VPS54: variants seen among roughly 807,000 people sequenced by gnomAD.
VPS54 encodes the protein VPS54 subunit of GARP complex, also known as vacuolar protein sorting-associated protein 54.
In VPS54, 45 loss-of-function variants were observed where a neutral mutation model predicts 121.5. The observed-to-expected ratio is 0.37, with a 90% CI of 0.29 to 0.47. The LOEUF is 0.47. VPS54 is among the 20% of genes least tolerant of loss of function. The pLI, the probability that VPS54 is intolerant of heterozygous loss-of-function variation, is 0.99. For missense variants in VPS54, 1,090 were observed against 1,131.4 expected, an observed-to-expected ratio of 0.96 and a Z score of 0.52; for synonymous variants, 371 against 385.8, an observed-to-expected ratio of 0.96 and a Z score of 0.45.
chr2:63,974,073 A>C (rs1452025780), intron 3 of VPS54, among the ~76,000 whole-genome samples: 1 of 152,180 alleles, frequency 6.6e-6, no homozygotes, highest in African/African-American at 2.4e-5. Context: ...TAGAAGTTTT[A>C]TAGTTTTGCA....
Position 63,899,588 on chromosome 2 carries a change from G to A in VPS54, c.2626-7C>T, listed in dbSNP as rs193225211. On this transcript the variant is annotated splice_region_variant and splice_polypyrimidine_tract_variant and intron_variant, in intron 20 of 22. Transcript: ENST00000272322. ...CAGGAGCCTTCACTTCATACTGGTA[G>A]GAAAAAATAATGAGAATTATGTTCA... The A allele has an allele frequency of 2.0e-4, 322 of 1,606,926 alleles. No individual in the cohort carries two copies. The African/African-American group carries it at 4.1e-3, about 20-fold the overall frequency.
intron 1 of VPS54, among the ~76,000 whole-genome samples, chr2:64,005,781 A>T (rs2104689080): frequency 6.6e-6 from 1 of 152,334 alleles, no homozygotes; most frequent in East Asian, 1.9e-4. Flanking sequence ...GTTAGGGAAT[A>T]AGTTAAAATA....
intron 20 of VPS54, among the ~76,000 whole-genome samples, chr2:63,906,042 A>G (rs1170726964): frequency 6.6e-6 from 1 of 152,174 alleles, no homozygotes; most frequent in Non-Finnish European, 1.5e-5. Flanking sequence ...TTAACCTGAT[A>G]AAGGCCTCTT....
At chr2:63,990,897 G>A (rs1452752204) in intron 1 of VPS54, among the ~76,000 whole-genome samples, 1 of 152,144 alleles carries the variant, frequency 6.6e-6, no homozygotes, top group African/African-American at 2.4e-5. Flanking sequence ...TATGTTAAAT[G>A]GTATTACAAA....
intron 11 of VPS54, among the ~76,000 whole-genome samples, chr2:63,937,817 A>C (rs1467811274): frequency 6.6e-6 from 1 of 152,224 alleles, no homozygotes; most frequent in East Asian, 1.9e-4. Context: ...CATATTACTC[A>C]GCCTTAAAAA....
chr2:63,979,270 C>T (rs1259632068), intron 3 of VPS54, among the ~76,000 whole-genome samples: 2 of 144,952 alleles, frequency 1.4e-5, no homozygotes, highest in Admixed American at 7.0e-5. Flanking sequence ...GACGGAGTCT[C>T]GCTCTGTCAC....
intron 6 of VPS54, among the ~76,000 whole-genome samples, chr2:63,964,766 T>C (rs934520749): frequency 6.6e-6 from 1 of 152,212 alleles, no homozygotes; most frequent in African/African-American, 2.4e-5. Flanking sequence ...AACCTGATAT[T>C]ATTGATGTCT....
At position 63,916,473 on chromosome 2, in the gene VPS54, C is replaced by T. The variant is rs192355866; in HGVS notation, c.2228+427G>A. Among the ~76,000 whole-genome samples, 10 of 152,180 alleles carry T rather than the reference C, an allele frequency of 6.6e-5. No homozygotes were observed. In the East Asian group the frequency reaches 1.2e-3, roughly 18 times the overall value. On this transcript the variant is annotated intron_variant, in intron 16 of 22. Coordinates refer to ENST00000272322, the MANE Select transcript of VPS54 (RefSeq NM_016516.3). ...TGCTTTACATGAATTACTTAATTTTCGCAATAATTCTGTGTATAGTACTAT... is the reference window on the plus strand; with the variant it reads ...TGCTTTACATGAATTACTTAATTTTTGCAATAATTCTGTGTATAGTACTAT...
At chr2:64,007,750 G>A (rs562920845) in intron 1 of VPS54, among the ~76,000 whole-genome samples, 1 of 152,254 alleles carries the variant, frequency 6.6e-6, no homozygotes, top group East Asian at 1.9e-4. Context: ...AGAAGGGGTA[G>A]GGCAAATATG....
At position 63,975,112 on chromosome 2, in the gene VPS54, C is replaced by T. The variant is rs1676464332; in HGVS notation, c.379-2868G>A. ...CCAATCTGTAGTGCAGTGGCGTGAT[C>T]TTGGTTCACTGCAACCTCCACCTCC... On this transcript the variant is annotated intron_variant, in intron 3 of 22. Transcript: ENST00000272322. 4.5e-6 allele frequency: 6 copies of T among 1,330,546 alleles called. No individual in the cohort carries two copies. In the Admixed American group the frequency reaches 1.3e-4, roughly 29 times the overall value. 82.4% of individuals were successfully genotyped at this position (1,330,546 alleles called of 1,614,324 possible). A position where few individuals can be genotyped will look rare whatever the true frequency, so the allele number is the denominator to read the frequency against.
chr2:63,915,113 G>A (rs931903720), intron 16 of VPS54, among the ~76,000 whole-genome samples: 2 of 139,360 alleles, frequency 1.4e-5, no homozygotes, highest in Non-Finnish European at 1.5e-5. Context: ...ATCATGCCAT[G>A]GCACTCCAGC....
At chr2:64,018,811 T>C (rs1416018524) in intron 1 of VPS54, 127 bp downstream of exon 1, 2 of 145,674 alleles carry the variant, frequency 1.4e-5, no homozygotes, top group Non-Finnish European at 3.0e-5. Context: ...CGGTCAGCTG[T>C]GACCGAAACT....
intron 19 of VPS54, 49 bp downstream of exon 19, chr2:63,912,491 T>G (rs1209115727): frequency 6.2e-7 from 1 of 1,609,312 alleles, no homozygotes; most frequent in South Asian, 1.1e-5. Flanking sequence ...ACTTAACAAT[T>G]AAGGATCTAA....
chr2:64,006,713 G>A (rs1376397078), intron 1 of VPS54, among the ~76,000 whole-genome samples: 1 of 152,108 alleles, frequency 6.6e-6, no homozygotes, highest in Non-Finnish European at 1.5e-5. Context: ...CCGCCTCCCA[G>A]TTTCAAGCCA....
intron 7 of VPS54, among the ~76,000 whole-genome samples, chr2:63,951,114 T>C (rs1392425721): frequency 6.6e-6 from 1 of 152,140 alleles, no homozygotes; most frequent in Non-Finnish European, 1.5e-5. Flanking sequence ...GCATAAAATC[T>C]GCATTTTCAA....
chr2:63,916,437 C>A (rs1299065732), intron 16 of VPS54, among the ~76,000 whole-genome samples: 1 of 152,112 alleles, frequency 6.6e-6, no homozygotes, highest in East Asian at 1.9e-4. Flanking sequence ...AGGTGCTAGA[C>A]CTGTGCTAAA....
chr2:64,013,594 CAAT>C, intron 1 of VPS54, among the ~76,000 whole-genome samples: 1 of 141,986 alleles, frequency 7.0e-6, no homozygotes, highest in African/African-American at 2.6e-5. Context: ...AAATATATAT[CAAT>C]ATATATCATA....
intron 17 of VPS54, 176 bp downstream of exon 17, chr2:63,914,006 A>C: frequency 8.7e-7 from 1 of 1,149,298 alleles, no homozygotes; most frequent in Non-Finnish European, 1.2e-6. Flanking sequence ...TGGAGTAAGA[A>C]GGAAGCAGGC....
intron 1 of VPS54, among the ~76,000 whole-genome samples, chr2:64,013,695 A>G (rs1678551761): frequency 6.8e-6 from 1 of 146,872 alleles, no homozygotes; most frequent in Non-Finnish European, 1.5e-5. Context: ...TATATCACAT[A>G]TATAGAGATA....
Sources: allele counts gnomAD v4.1 joint callset (sites outside exome capture counted in the v4.1 genomes callset), GRCh38; gene constraint gnomAD v4.1.1; transcripts MANE v1.5; gene names NCBI Gene and HGNC (gene_info 2026-07-23, HGNC 2026-07-21).